The following ZNF69 variants were observed in gnomAD, a reference collection of about 807,000 sequenced individuals.
ZNF69 encodes the protein zinc finger protein 69, also known as ZNF3.
A neutral mutation model predicts 50.9 loss-of-function variants in ZNF69; 47 were observed. The ratio of observed to expected loss-of-function variants is 0.92; its 90% CI spans 0.73 to 1.18. The LOEUF (loss-of-function observed/expected upper bound fraction) is 1.18, where lower values mean the gene tolerates loss of function less well. ZNF69 is among the 50% of genes most tolerant of loss of function. The probability of loss-of-function intolerance (pLI) is 0.00; values close to 1 mark genes in which losing one functional copy is unlikely to be tolerated. For missense variants in ZNF69, 717 were observed against 675.1 expected (o/e 1.06, Z -0.69); for synonymous variants, 216 against 223.1 (o/e 0.97, Z 0.29).
chr19:11,922,872 A>C, the ZNF69 span, among the ~76,000 whole-genome samples: 1 of 151,222 alleles, frequency 6.6e-6, no homozygotes, highest in Non-Finnish European at 1.5e-5. Context: ...AAGTTCAGTA[A>C]CCTGATCACA....
chr19:11,954,070 G>A, the ZNF69 span, among the ~76,000 whole-genome samples: 1 of 152,090 alleles, frequency 6.6e-6, no homozygotes, highest in African/African-American at 2.4e-5. Context: ...AAAAATTTCA[G>A]ATCAAGGAAG....
At chr19:11,946,724 CT>C in the ZNF69 span, 1 of 153,506 alleles carries the variant, frequency 6.5e-6, no homozygotes, top group African/African-American at 2.4e-5. Context: ...ACTCCATAGT[CT>C]CCCTTAAATC....
the ZNF69 span, chr19:11,978,863 A>G: frequency 6.2e-7 from 1 of 1,614,030 alleles, no homozygotes; most frequent in African/African-American, 1.3e-5. Flanking sequence ...AGCCCTGTGA[A>G]TGTAGCAAAT....
At position 11,905,383 on chromosome 19, in the gene ZNF69, A is replaced by G; in HGVS notation, c.986A>G (p.Lys329Arg). Residue 329 changes from lysine to arginine, a missense_variant, in exon 4 of 4, where the codon AAA becomes AGA. Transcript: ENST00000429654. ...ATACATGAAAGGACCCACTCTAGGAAAAAACCCTATGAATGTACGCAGTGT... is the reference window on the plus strand; with the variant it reads ...ATACATGAAAGGACCCACTCTAGGAGAAAACCCTATGAATGTACGCAGTGT... Reference protein sequence around the residue: ...VRIHERTHSRKKPYECTQCGK... With the variant: ...VRIHERTHSRRKPYECTQCGK... The G allele has an allele frequency of 1.2e-6, 2 of 1,614,206 alleles. No homozygotes were observed. Among genetic ancestry groups the G allele is most frequent in the Admixed American group, 1.7e-5 (1 of 60,024 alleles).
the ZNF69 span, among the ~76,000 whole-genome samples, chr19:11,955,624 G>A: frequency 6.6e-6 from 1 of 151,986 alleles, no homozygotes; most frequent in East Asian, 1.9e-4. Context: ...CAGTTTCAGG[G>A]CTTAGCTTTG....
At chr19:11,961,958 CAT>C in the ZNF69 span, among the ~76,000 whole-genome samples, 342 of 144,936 alleles carry the variant, frequency 2.4e-3, no homozygotes, top group African/African-American at 8.0e-3. Flanking sequence ...CACACACACA[CAT>C]ATATATTGTT....
At chr19:11,967,604 C>T in the ZNF69 span, among the ~76,000 whole-genome samples, 41 of 152,068 alleles carry the variant, frequency 2.7e-4, no homozygotes, top group African/African-American at 7.5e-4. Context: ...GGGGTTTCAC[C>T]GTGTTAGCCA....
intron 1 of ZNF69, among the ~76,000 whole-genome samples, chr19:11,898,883 T>C (rs1275995445): frequency 1.3e-5 from 2 of 152,238 alleles, no homozygotes; most frequent in Non-Finnish European, 2.9e-5. Context: ...CTTTGTGTAG[T>C]GTATCCTACA....
the ZNF69 span, among the ~76,000 whole-genome samples, chr19:11,960,469 T>G: frequency 6.6e-6 from 1 of 152,098 alleles, no homozygotes; most frequent in East Asian, 1.9e-4. Flanking sequence ...TTTTAAAAGT[T>G]TTTTGTAGAG....
chr19:11,909,326 G>T (rs1972424205), downstream of ZNF69, among the ~76,000 whole-genome samples: 1 of 152,118 alleles, frequency 6.6e-6, no homozygotes, highest in Admixed American at 6.6e-5. Context: ...ATTTTATGAG[G>T]CCAGCAACAT....
chr19:11,911,459 G>A (rs1026262910), downstream of ZNF69, among the ~76,000 whole-genome samples: 2 of 152,196 alleles, frequency 1.3e-5, no homozygotes, highest in Non-Finnish European at 2.9e-5. Flanking sequence ...TTAAGAAAAC[G>A]TGGCACATAT....
At chr19:11,932,588 A>G in the ZNF69 span, among the ~76,000 whole-genome samples, 1 of 146,806 alleles carries the variant, frequency 6.8e-6, no homozygotes, top group East Asian at 1.9e-4. Context: ...ACCCATCCAC[A>G]TCAGTATATT....
the ZNF69 span, chr19:11,949,092 C>T: frequency 6.2e-7 from 1 of 1,611,920 alleles, no homozygotes; most frequent in Non-Finnish European, 8.5e-7. Context: ...TAAGAATGAA[C>T]TCTGGAGAAA....
At chr19:11,895,932 T>C (rs1028206328) in intron 1 of ZNF69, among the ~76,000 whole-genome samples, 1 of 152,110 alleles carries the variant, frequency 6.6e-6, no homozygotes, top group African/African-American at 2.4e-5. Context: ...CTTAAACAGA[T>C]GCCCAGACTG....
At chr19:11,921,485 CTTTTG>C in the ZNF69 span, among the ~76,000 whole-genome samples, 33 of 145,874 alleles carry the variant, frequency 2.3e-4, no homozygotes, top group East Asian at 2.2e-3. Flanking sequence ...TGGAAAATTT[CTTTTG>C]TTTGTTTGTT....
At chr19:11,941,368 C>T in the ZNF69 span, among the ~76,000 whole-genome samples, 1,152 of 152,260 alleles carry the variant, frequency 7.6e-3, 13 homozygotes, top group African/African-American at 0.027. Flanking sequence ...CGGGGAGGCT[C>T]GGGCCGCACA....
the ZNF69 span, among the ~76,000 whole-genome samples, chr19:11,935,521 T>C: frequency 0.21 from 31,389 of 151,926 alleles, 7,492 homozygotes; most frequent in African/African-American, 0.59. Flanking sequence ...CATGAGCCAC[T>C]GTGCCTGGCT....
At chr19:11,979,426 A>G in the ZNF69 span, 11 of 1,605,688 alleles carry the variant, frequency 6.9e-6, no homozygotes, top group Non-Finnish European at 9.4e-6. Flanking sequence ...GGACACAAAC[A>G]CACATAAGAA....
At chr19:11,889,375 C>T (rs1237695595) in intron 1 of ZNF69, among the ~76,000 whole-genome samples, 1 of 152,192 alleles carries the variant, frequency 6.6e-6, no homozygotes, top group Non-Finnish European at 1.5e-5. Flanking sequence ...TCTCACCTCC[C>T]ATCCTGTCAT....
Sources: gnomAD v4.1 joint callset for allele counts (sites outside exome capture counted in the v4.1 genomes callset) on GRCh38, gnomAD v4.1.1 for gene constraint, MANE v1.5 for transcripts, NCBI Gene and HGNC (gene_info 2026-07-23, HGNC 2026-07-21) for gene names.